Variants in UBXN8 observed in about 807,000 individuals in gnomAD.
The protein encoded by UBXN8 is UBX domain protein 8.
Under a neutral mutation model 32.1 loss-of-function variants are expected in UBXN8, and 27 were observed. The ratio of observed to expected loss-of-function variants is 0.84; its 90% confidence interval spans 0.62 to 1.16. UBXN8 has a LOEUF of 1.16. Among genes scored for constraint, UBXN8 ranks in the 50% most tolerant of loss-of-function variants. UBXN8 has a pLI of 0.00. For synonymous variants in UBXN8, 109 were observed against 111.8 expected (o/e 0.98, Z 0.16); for missense variants, 306 against 311.4 (o/e 0.98, Z 0.13).
chr8:30,730,897 G>C (rs1188560496), upstream of UBXN8, among the ~76,000 whole-genome samples: 1 of 152,220 alleles, frequency 6.6e-6, no homozygotes, highest in Admixed American at 6.5e-5. Flanking sequence ...AGCTAACCAG[G>C]TGTTTGTAAA....
At chr8:30,748,956 A>G (rs1370377866) in intron 1 of UBXN8, among the ~76,000 whole-genome samples, 2 of 152,244 alleles carry the variant, frequency 1.3e-5, no homozygotes, top group Admixed American at 6.5e-5. Context: ...AATTAAAAAC[A>G]CAAAACGAGT....
intron 6 of UBXN8, 119 bp from the exon 7 acceptor site, chr8:30,763,154 C>T: frequency 1.0e-6 from 1 of 998,416 alleles, no homozygotes; most frequent in Non-Finnish European, 1.5e-6. Flanking sequence ...CTACCTATGT[C>T]TTTTAATAAT....
At chr8:30,747,307 G>GTTTTTTTTT (rs59568820) in intron 1 of UBXN8, among the ~76,000 whole-genome samples, 1 of 81,728 alleles carries the variant, frequency 1.2e-5, no homozygotes, top group Non-Finnish European at 2.1e-5. Context: ...CCTCAGTGGT[G>GTTTTTTTTT]TTTTTTTTTT....
chr8:30,744,364 G>A (rs1563557972), intron 1 of UBXN8, 87 bp downstream of exon 1: 3 of 1,344,654 alleles, frequency 2.2e-6, no homozygotes, highest in Admixed American at 2.0e-5. Flanking sequence ...TCGGCTGCGT[G>A]GCTTCGGAGC....
chr8:30,750,638 T>C (rs1805495174), intron 1 of UBXN8, among the ~76,000 whole-genome samples: 2 of 151,956 alleles, frequency 1.3e-5, no homozygotes, highest in South Asian at 4.2e-4. Context: ...CCAGGCGTGG[T>C]GGCAGGCACC....
upstream of UBXN8, among the ~76,000 whole-genome samples, chr8:30,742,942 TGAG>T (rs1805244294): frequency 6.6e-6 from 1 of 152,102 alleles, no homozygotes; most frequent in African/African-American, 2.4e-5. Context: ...CTGAGTTTCT[TGAG>T]GACAAATTCA....
chr8:30,747,867 GT>G (rs1183249900), intron 1 of UBXN8, among the ~76,000 whole-genome samples: 1 of 72,402 alleles, frequency 1.4e-5, no homozygotes, highest in African/African-American at 5.1e-5. Context: ...GGGAGGCCAA[GT>G]TTTCTTTTTT....
chr8:30,756,941 G>T, intron 5 of UBXN8, 54 bp downstream of exon 5: 1 of 1,605,394 alleles, frequency 6.2e-7, no homozygotes, highest in Non-Finnish European at 8.5e-7. Context: ...TAGGAGTATT[G>T]AACTCTGGGT....
upstream of UBXN8, among the ~76,000 whole-genome samples, chr8:30,731,075 C>A (rs1353536554): frequency 1.3e-5 from 2 of 152,234 alleles, no homozygotes; most frequent in African/African-American, 2.4e-5. Context: ...GCAGCGTAAT[C>A]AGTGTGCTTA....
At position 30,744,244 on chromosome 8, in the gene UBXN8, T is replaced by C; in HGVS notation, c.55T>C (p.Cys19Arg). 6.2e-7 allele frequency: 1 copy of C among 1,613,922 alleles called. No homozygotes were observed. Among genetic ancestry groups the C allele is most frequent in the Non-Finnish European group, 8.5e-7 (1 of 1,179,862 alleles). Residue 19 changes from cysteine (C) to arginine (R), a missense_variant, in exon 1 of 8, where the codon TGT becomes CGT. Cys to Arg is a radical substitution (Grantham distance 180). Coordinates refer to ENST00000265616, the MANE Select transcript of UBXN8 (RefSeq NM_005671.4). The stretch of plus-strand genomic sequence containing the variant: ...CTTCCTCTCTGCTGTCCCCCTTGTG[T>C]GTCTGGAGCTCCGGCGTGGGATCCC... Reference protein sequence around the residue: ...IFFLSAVPLVCLELRRGIPDI... With the variant: ...IFFLSAVPLVRLELRRGIPDI...
upstream of UBXN8, among the ~76,000 whole-genome samples, chr8:30,743,096 A>G (rs945857808): frequency 1.3e-5 from 2 of 152,094 alleles, no homozygotes; most frequent in Admixed American, 6.5e-5. Context: ...TTTTTCTTGC[A>G]AAGTGTTGGG....
At chr8:30,729,736 C>T (rs1804906674), upstream of UBXN8, among the ~76,000 whole-genome samples, 1 of 152,098 alleles carries the variant, frequency 6.6e-6, no homozygotes, top group Admixed American at 6.6e-5. Context: ...AAACTTAGAA[C>T]TTTGTGTGAA....
At chr8:30,743,989 C>T (rs1293825590), upstream of UBXN8, among the ~76,000 whole-genome samples, 2 of 152,212 alleles carry the variant, frequency 1.3e-5, no homozygotes, top group African/African-American at 2.4e-5. Context: ...GGACGACTTG[C>T]CTTTCTTCTG....
rs1395026376 is a variant in UBXN8 at position 30,766,423 on chromosome 8, G to T, written c.*29G>T. 3 of 1,549,684 alleles carry T rather than the reference G, an allele frequency of 1.9e-6. No homozygotes were observed. The highest frequency in any genetic ancestry group is 2.0e-5 in the Admixed American group (1 of 50,764). On this transcript the variant is annotated 3_prime_UTR_variant, in exon 8 of 8. Transcript: ENST00000265616. ...AGAAGGGAGAGCTCCCTGTTTGCATGAAGTCAGTTATGCTATGACCTTCTG... is the reference window on the plus strand; with the variant it reads ...AGAAGGGAGAGCTCCCTGTTTGCATTAAGTCAGTTATGCTATGACCTTCTG...
upstream of UBXN8, among the ~76,000 whole-genome samples, chr8:30,742,067 T>C (rs924731721): frequency 5.3e-5 from 8 of 152,098 alleles, no homozygotes; most frequent in South Asian, 1.7e-3. Flanking sequence ...TTCCTCCTTA[T>C]GCATGATGAA....
rs555049193 is a variant in UBXN8, at chr8:30,744,733, G to A, written c.88+456G>A. ...ATTACAGGCCTACGCCACTGCGCCC[G>A]GCCCTAGGTTTAAATAAGGGGCCAC... On this transcript the variant is annotated intron_variant, in intron 1 of 7. Transcript: ENST00000265616. Among the ~76,000 whole-genome samples the A allele has an allele frequency of 2.8e-4, 43 of 152,306 alleles. No homozygotes were observed. The South Asian group carries it at 8.5e-3, about 30-fold the overall frequency.
chr8:30,762,022 ACTTCT>A (rs960867531), intron 6 of UBXN8, among the ~76,000 whole-genome samples: 5 of 148,464 alleles, frequency 3.4e-5, no homozygotes, highest in African/African-American at 1.2e-4. Flanking sequence ...AGGAGAACCT[ACTTCT>A]TGGGGCTCGG....
intron 1 of UBXN8, among the ~76,000 whole-genome samples, chr8:30,736,283 A>C (rs981410549): frequency 6.6e-6 from 1 of 152,242 alleles, no homozygotes; most frequent in African/African-American, 2.4e-5. Flanking sequence ...AACTGGATAC[A>C]TCCTCAGAAG....
intron 1 of UBXN8, among the ~76,000 whole-genome samples, chr8:30,735,236 T>G (rs1805045243): frequency 6.6e-6 from 1 of 152,110 alleles, no homozygotes; most frequent in African/African-American, 2.4e-5. Context: ...ATAAAAAAAT[T>G]TAAAAATTAA....
Sources: allele counts gnomAD v4.1 joint callset (sites outside exome capture counted in the v4.1 genomes callset), GRCh38; gene constraint gnomAD v4.1.1; transcripts MANE v1.5; gene names NCBI Gene and HGNC (gene_info 2026-07-23, HGNC 2026-07-21).